Variants in MYMX observed in about 807,000 individuals in gnomAD.
MYMX encodes myomixer, myoblast fusion factor.
chr6:44,207,439 G>A, the MYMX span, among the ~76,000 whole-genome samples: 74 of 151,732 alleles, frequency 4.9e-4, 2 homozygotes, highest in Non-Finnish European at 1.3e-4. Flanking sequence ...GTGCCTGGTG[G>A]TCTTTGCTTT....
chr6:44,202,035 G>C, the MYMX span, among the ~76,000 whole-genome samples: 1 of 152,116 alleles, frequency 6.6e-6, no homozygotes, highest in Non-Finnish European at 1.5e-5. Context: ...GTGGCCTGTC[G>C]CAGCATGCTC....
the MYMX span, among the ~76,000 whole-genome samples, chr6:44,202,525 G>C: frequency 1.3e-5 from 2 of 151,656 alleles, no homozygotes; most frequent in Non-Finnish European, 2.9e-5. Context: ...TCAGGGAAGT[G>C]CAGGAAGGAT....
chr6:44,215,165 T>TGC (rs1310879091), upstream of MYMX, among the ~76,000 whole-genome samples: 1 of 151,912 alleles, frequency 6.6e-6, no homozygotes, highest in East Asian at 1.9e-4. Context: ...TGATGACAAA[T>TGC]GCTCATATTC....
At chr6:44,215,212 G>A (rs892886757), upstream of MYMX, among the ~76,000 whole-genome samples, 2 of 152,234 alleles carry the variant, frequency 1.3e-5, no homozygotes, top group African/African-American at 4.8e-5. Flanking sequence ...TTCATGGACA[G>A]TATCTCATCT....
chr6:44,204,798 G>C, the MYMX span, among the ~76,000 whole-genome samples: 1 of 151,792 alleles, frequency 6.6e-6, no homozygotes, highest in Admixed American at 6.6e-5. Context: ...TGTTTCTTGG[G>C]GTCTTATATT....
At chr6:44,197,942 A>G in the MYMX span, among the ~76,000 whole-genome samples, 4 of 152,024 alleles carry the variant, frequency 2.6e-5, no homozygotes, top group African/African-American at 9.7e-5. Context: ...TTTCAATTAT[A>G]TGGACTGCAA....
the MYMX span, among the ~76,000 whole-genome samples, chr6:44,197,074 G>A: frequency 1.6e-3 from 238 of 152,256 alleles, no homozygotes; most frequent in Non-Finnish European, 2.4e-3. Context: ...GACCAACATG[G>A]CAAAATGCCA....
chr6:44,202,455 A>C, the MYMX span, among the ~76,000 whole-genome samples: 1 of 151,500 alleles, frequency 6.6e-6, no homozygotes, highest in Non-Finnish European at 1.5e-5. Context: ...ATTGACCTTA[A>C]GGAAACAGGA....
At chr6:44,212,435 T>TAAAA (rs1181596782), upstream of MYMX, among the ~76,000 whole-genome samples, 41 of 150,854 alleles carry the variant, frequency 2.7e-4, no homozygotes, top group Non-Finnish European at 5.2e-4. Flanking sequence ...AATAAATAAA[T>TAAAA]AAAAATTTTA....
upstream of MYMX, among the ~76,000 whole-genome samples, chr6:44,213,816 T>G (rs928674899): frequency 1.3e-5 from 2 of 151,670 alleles, no homozygotes; most frequent in South Asian, 2.1e-4. Flanking sequence ...AAATAAATTT[T>G]TATTTCTTTT....
At chr6:44,207,473 C>T in the MYMX span, among the ~76,000 whole-genome samples, 2 of 151,824 alleles carry the variant, frequency 1.3e-5, no homozygotes, top group South Asian at 2.1e-4. Flanking sequence ...TGGGACTGAA[C>T]TTTTTGGATC....
At chr6:44,208,925 C>T in the MYMX span, among the ~76,000 whole-genome samples, 1 of 152,356 alleles carries the variant, frequency 6.6e-6, no homozygotes, top group African/African-American at 2.4e-5. Flanking sequence ...ACTAATCCCT[C>T]TTCCCACTCA....
chr6:44,206,075 G>C, the MYMX span, among the ~76,000 whole-genome samples: 1 of 142,066 alleles, frequency 7.0e-6, no homozygotes, highest in Non-Finnish European at 1.5e-5. Flanking sequence ...GGACCTTACT[G>C]TCTGGGACCT....
At chr6:44,197,954 T>C in the MYMX span, among the ~76,000 whole-genome samples, 1 of 152,022 alleles carries the variant, frequency 6.6e-6, no homozygotes. Context: ...GGACTGCAAA[T>C]ATCTCCTTCC....
At chr6:44,199,416 TC>T in the MYMX span, among the ~76,000 whole-genome samples, 3 of 152,104 alleles carry the variant, frequency 2.0e-5, no homozygotes, top group African/African-American at 7.2e-5. Flanking sequence ...CAGGCTGATC[TC>T]GAACTCCTCG....
the MYMX span, among the ~76,000 whole-genome samples, chr6:44,194,625 A>G: frequency 6.6e-6 from 1 of 152,156 alleles, no homozygotes; most frequent in Non-Finnish European, 1.5e-5. Context: ...GGCAGGGTGG[A>G]AAGGGGTCAG....
chr6:44,200,460 G>A, the MYMX span, among the ~76,000 whole-genome samples: 15 of 151,938 alleles, frequency 9.9e-5, no homozygotes, highest in Admixed American at 3.3e-4. Context: ...GACTACAGGC[G>A]CCTGCCACCA....
chr6:44,216,491 A>T (rs1194042108), upstream of MYMX, among the ~76,000 whole-genome samples: 1 of 151,966 alleles, frequency 6.6e-6, no homozygotes, highest in Non-Finnish European at 1.5e-5. Context: ...CTCTACTACA[A>T]ATACAAAAAA....
the MYMX span, among the ~76,000 whole-genome samples, chr6:44,192,990 T>C: frequency 1.3e-5 from 2 of 152,182 alleles, no homozygotes; most frequent in African/African-American, 4.8e-5. Flanking sequence ...CCATCCAGGA[T>C]GCCTCTTAAG....
Sources: gnomAD v4.1 joint callset for allele counts (sites outside exome capture counted in the v4.1 genomes callset) on GRCh38, gnomAD v4.1.1 for gene constraint, MANE v1.5 for transcripts, NCBI Gene and HGNC (gene_info 2026-07-23, HGNC 2026-07-21) for gene names.